Variants in SGCZ observed in about 807,000 individuals in gnomAD.
SGCZ encodes sarcoglycan zeta.
In SGCZ, 40 loss-of-function variants were observed where a neutral mutation model predicts 41.3. The observed-to-expected ratio is 0.97, with a 90% CI of 0.75 to 1.26. The LOEUF (loss-of-function observed/expected upper bound fraction) is 1.26. Among genes scored for constraint, SGCZ ranks in the 50% most tolerant of loss-of-function variants. The pLI, the probability that SGCZ is intolerant of heterozygous loss-of-function variation, is 0.00. For synonymous variants in SGCZ, 206 were observed against 137.5 expected, an observed-to-expected ratio of 1.50 and a Z score of -3.49; for missense variants, 552 against 369.8, an observed-to-expected ratio of 1.49 and a Z score of -4.04.
At chr8:14,289,635 A>G (rs1800771984) in intron 3 of SGCZ, among the ~76,000 whole-genome samples, 1 of 152,086 alleles carries the variant, frequency 6.6e-6, no homozygotes, top group Non-Finnish European at 1.5e-5. Flanking sequence ...ATAGCTTTGT[A>G]TAGAAAGGCC....
At chr8:14,365,360 G>T (rs1239996514) in intron 2 of SGCZ, among the ~76,000 whole-genome samples, 1 of 151,752 alleles carries the variant, frequency 6.6e-6, no homozygotes, top group African/African-American at 2.4e-5. Context: ...TCTGCATTTT[G>T]CTTTATTCAT....
intron 1 of SGCZ, among the ~76,000 whole-genome samples, chr8:14,941,046 G>A (rs1184331669): frequency 6.6e-6 from 1 of 151,848 alleles, no homozygotes; most frequent in Non-Finnish European, 1.5e-5. Context: ...ATACTAAATA[G>A]ACAGGCAACA....
At chr8:14,288,257 A>C (rs1272725436) in intron 3 of SGCZ, among the ~76,000 whole-genome samples, 1 of 152,080 alleles carries the variant, frequency 6.6e-6, no homozygotes, top group Non-Finnish European at 1.5e-5. Context: ...TAGCTGGTTA[A>C]TTTTTTATTG....
chr8:15,006,694 G>A (rs1209863283), intron 1 of SGCZ, among the ~76,000 whole-genome samples: 3 of 152,276 alleles, frequency 2.0e-5, no homozygotes, highest in Non-Finnish European at 2.9e-5. Context: ...GGTGGGATCT[G>A]TCAAAAGATT....
chr8:14,428,227 T>C (rs1799844777), intron 2 of SGCZ, among the ~76,000 whole-genome samples: 1 of 151,866 alleles, frequency 6.6e-6, no homozygotes, highest in Non-Finnish European at 1.5e-5. Context: ...ATATATACTA[T>C]TCATATGTAA....
intron 2 of SGCZ, among the ~76,000 whole-genome samples, chr8:14,338,051 A>G (rs140664907): frequency 0.011 from 1,692 of 152,306 alleles, 28 homozygotes; most frequent in African/African-American, 0.037. Flanking sequence ...AGCAGGCAAG[A>G]TATCAAGGAT....
intron 2 of SGCZ, among the ~76,000 whole-genome samples, chr8:14,352,090 G>A (rs534371649): frequency 1.1e-4 from 16 of 152,208 alleles, no homozygotes; most frequent in African/African-American, 3.4e-4. Context: ...TTTAATGAAA[G>A]TTAGCTTCTT....
intron 2 of SGCZ, among the ~76,000 whole-genome samples, chr8:14,351,561 G>T (rs1014783183): frequency 2.8e-4 from 42 of 150,714 alleles, no homozygotes; most frequent in Non-Finnish European, 1.5e-5. Flanking sequence ...AATTTAGAAG[G>T]ATATATAATA....
intron 2 of SGCZ, among the ~76,000 whole-genome samples, chr8:14,470,408 T>C (rs1801181743): frequency 6.6e-6 from 1 of 152,136 alleles, no homozygotes; most frequent in Non-Finnish European, 1.5e-5. Flanking sequence ...CTCTATGAGG[T>C]AGATGCTATT....
intron 2 of SGCZ, among the ~76,000 whole-genome samples, chr8:14,422,332 T>C (rs1445720161): frequency 6.6e-6 from 1 of 152,214 alleles, no homozygotes; most frequent in Non-Finnish European, 1.5e-5. Flanking sequence ...TTAAGTTGAC[T>C]ATACAATACA....
In SGCZ at chr8:14,629,722, T is replaced by A. The variant is rs573027536; in HGVS notation, c.40-74796A>T. 1.5e-4 allele frequency among the ~76,000 whole-genome samples: 10 copies of A among 65,054 alleles called. No individual in the cohort carries two copies. The South Asian group carries it at 2.2e-3, about 15-fold the overall frequency. The allele number at this position is 65,054 out of a possible 152,430, so 42.7% of individuals were successfully genotyped here. A position where few individuals can be genotyped will look rare whatever the true frequency, so the allele number is the denominator to read the frequency against. ...GGGATGTGTCTGGTCTATTTAGGAC[T>A]TTTTTAGGGTAAACAAAACTGAAAT... On this transcript the variant is annotated intron_variant, in intron 1 of 7. Transcript: ENST00000382080.
At chr8:15,081,802 T>G (rs2131046098) in intron 1 of SGCZ, among the ~76,000 whole-genome samples, 1 of 152,262 alleles carries the variant, frequency 6.6e-6, no homozygotes, top group South Asian at 2.1e-4. Context: ...GGGTTACAGG[T>G]GTGCTATGCA....
At chr8:14,774,054 T>G (rs1416678693) in intron 1 of SGCZ, among the ~76,000 whole-genome samples, 1 of 152,112 alleles carries the variant, frequency 6.6e-6, no homozygotes, top group Non-Finnish European at 1.5e-5. Flanking sequence ...TTATTCCGAG[T>G]GTTTTTGCAC....
intron 2 of SGCZ, among the ~76,000 whole-genome samples, chr8:14,420,071 C>T (rs576102685): frequency 6.6e-6 from 1 of 152,092 alleles, no homozygotes; most frequent in Non-Finnish European, 1.5e-5. Flanking sequence ...ATATTAATCT[C>T]ATTCTATTTA....
At chr8:14,923,625 A>C (rs1009250722) in intron 1 of SGCZ, among the ~76,000 whole-genome samples, 5 of 152,222 alleles carry the variant, frequency 3.3e-5, no homozygotes, top group African/African-American at 1.2e-4. Context: ...AGGGAATTCA[A>C]ATGCAAAGAA....
chr8:14,624,221 ACAAAGCCAAAATAAACTACTGAAGGT>A lies in SGCZ; in HGVS notation c.40-69321_40-69296del, dbSNP rs1434439759. Among the ~76,000 whole-genome samples, 14 of 152,276 alleles carry A rather than the reference ACAAAGCCAAAATAAACTACTGAAGGT, an allele frequency of 9.2e-5. No individual in the cohort carries two copies. In the East Asian group the frequency reaches 1.9e-3, roughly 21 times the overall value. On this transcript the variant is annotated intron_variant, in intron 1 of 7. Coordinates refer to ENST00000382080, the MANE Select transcript of SGCZ (RefSeq NM_139167.4). ...TTAATAGCTTATCATATAAGATTTA[ACAAAGCCAAAATAAACTACTGAAGGT>A]CCCTCTCTGTTGAAAGCCTTAGGAA...
At chr8:14,766,727 A>ATTTTTTTTTTTTTTTTTTTT (rs33955290) in intron 1 of SGCZ, among the ~76,000 whole-genome samples, 3 of 92,804 alleles carry the variant, frequency 3.2e-5, no homozygotes, top group Non-Finnish European at 6.0e-5. Context: ...ATGTCCAGCT[A>ATTTTTTTTTTTTTTTTTTTT]TTTTTTTTTT....
At chr8:14,293,518 C>G (rs892438112) in intron 3 of SGCZ, among the ~76,000 whole-genome samples, 5 of 151,972 alleles carry the variant, frequency 3.3e-5, no homozygotes, top group Non-Finnish European at 5.9e-5. Flanking sequence ...ACTTTTAACT[C>G]CGAATGAAAT....
intron 3 of SGCZ, among the ~76,000 whole-genome samples, chr8:14,282,859 T>C (rs980137399): frequency 5.8e-5 from 8 of 138,502 alleles, no homozygotes; most frequent in Non-Finnish European, 4.7e-5. Context: ...TTTTTTTTTT[T>C]TTTTTTTTGA....
Sources: allele counts gnomAD v4.1 joint callset (sites outside exome capture counted in the v4.1 genomes callset), GRCh38; gene constraint gnomAD v4.1.1; transcripts MANE v1.5; gene names NCBI Gene and HGNC (gene_info 2026-07-23, HGNC 2026-07-21).